TTLL11: variants seen among roughly 807,000 people sequenced by gnomAD.
TTLL11 encodes tubulin polyglutamylase TTLL11.
TTLL11 carries 42 observed loss-of-function variants against 51.7 expected under a neutral mutation model. That is an observed-to-expected ratio of 0.81 (90% confidence interval 0.64 to 1.05). The LOEUF is 1.05. Among genes scored for constraint, TTLL11 ranks in the 50% least tolerant of loss-of-function variants. TTLL11 has a pLI of 0.00. For synonymous variants in TTLL11, 381 were observed against 383.5 expected (o/e 0.99, Z 0.08); for missense variants, 799 against 940.4 (o/e 0.85, Z 1.97).
At chr9:121,888,085 C>T (rs898160360) in intron 6 of TTLL11, among the ~76,000 whole-genome samples, 3 of 152,222 alleles carry the variant, frequency 2.0e-5, no homozygotes, top group Non-Finnish European at 4.4e-5. Context: ...GTTCCTGGCT[C>T]TATCCCCCTC....
intron 1 of TTLL11, among the ~76,000 whole-genome samples, chr9:122,070,539 AC>A: frequency 6.6e-6 from 1 of 152,146 alleles, no homozygotes. Flanking sequence ...TAAATGTGAC[AC>A]CCCGAGGAAG....
rs372593141 is a variant in TTLL11, at chr9:121,816,637, T to C, written c.*5950A>G. ...TGTACGTGTGTGCATGTGTGGTGTG[T>C]GCGCGCACATGCGTGTGTGTGCATG... is the stretch of plus-strand genomic sequence containing the variant. On this transcript the variant is annotated 3_prime_UTR_variant, in exon 9 of 9. Coordinates refer to ENST00000321582, the MANE Select transcript of TTLL11 (RefSeq NM_001139442.2). 3.1e-4 allele frequency: 46 copies of C among 150,534 alleles called. No individual in the cohort carries two copies. The highest frequency in any genetic ancestry group is 6.9e-3 in the Middle Eastern group (2 of 290). The allele number at this position is 150,534 out of a possible 1,614,324, so 9.3% of individuals were successfully genotyped here. A position where few individuals can be genotyped will look rare whatever the true frequency, so the allele number is the denominator to read the frequency against.
intron 4 of TTLL11, among the ~76,000 whole-genome samples, chr9:121,981,653 C>G (rs1367803715): frequency 6.6e-6 from 1 of 152,104 alleles, no homozygotes; most frequent in Non-Finnish European, 1.5e-5. Context: ...AGTGTCTGGA[C>G]TTTGTCTTTC....
chr9:121,880,872 C>T (rs1160956013), intron 6 of TTLL11, among the ~76,000 whole-genome samples: 6 of 152,236 alleles, frequency 3.9e-5, no homozygotes, highest in African/African-American at 1.4e-4. Flanking sequence ...ATGGCCTAAG[C>T]GAGGAGGCTG....
At chr9:121,874,754 T>G (rs1838501181) in intron 6 of TTLL11, among the ~76,000 whole-genome samples, 1 of 144,612 alleles carries the variant, frequency 6.9e-6, no homozygotes, top group African/African-American at 2.6e-5. Flanking sequence ...CTCAGAGGCA[T>G]AATTTTTTTT....
Position 121,845,656 on chromosome 9 carries a change from G to A in TTLL11, c.1840+14681C>T, listed in dbSNP as rs535648074. On this transcript the variant is annotated intron_variant, in intron 8 of 8. Transcript: ENST00000321582. ...GGAAAAGAGAAATCAGAAGTTCTCT[G>A]TTATAAAGTACCTGCACTATCTGTT... is the stretch of plus-strand genomic sequence containing the variant. 1.6e-3 allele frequency among the ~76,000 whole-genome samples: 244 copies of A among 152,238 alleles called. 1 individual carries two copies. Among genetic ancestry groups the A allele is most frequent in the African/African-American group, 5.8e-3 (240 of 41,570 alleles).
At chr9:122,040,829 A>C (rs984060194) in intron 1 of TTLL11, among the ~76,000 whole-genome samples, 6 of 152,248 alleles carry the variant, frequency 3.9e-5, no homozygotes, top group African/African-American at 1.4e-4. Flanking sequence ...TATAATTTAC[A>C]GCATTTTGCT....
Position 122,031,815 on chromosome 9 carries a change from C to T in TTLL11, c.601G>A (p.Val201Met). The T allele has an allele frequency of 1.9e-6, 3 of 1,614,148 alleles. No individual in the cohort carries two copies. Among genetic ancestry groups the T allele is most frequent in the Non-Finnish European group, 2.5e-6 (3 of 1,180,012 alleles). ...GGAAAGAGATTCTGCATGGTTCTCA[C>T]TGCTCTGCTCAGAGTAATTTTACGC... ...MVRKITLSRA[V>M]RTMQNLFPEE... The change falls in exon 3 of 9, where the codon GTG (valine) becomes ATG (methionine). Residue 201 changes from valine (V) to methionine (M), a missense_variant. Val to Met is a conservative substitution (Grantham distance 21). Around this residue, in one of 3 missense-constraint regions of TTLL11, gnomAD observed 468 missense variants for 612.8 expected, o/e 0.76. Coordinates refer to ENST00000321582, the MANE Select transcript of TTLL11 (RefSeq NM_001139442.2).
intron 1 of TTLL11, among the ~76,000 whole-genome samples, chr9:122,057,096 T>C (rs996930840): frequency 2.0e-5 from 3 of 152,296 alleles, no homozygotes; most frequent in South Asian, 2.1e-4. Context: ...TCAGCTGCCC[T>C]AGACAGTGGG....
At chr9:121,991,797 T>A (rs981211415) in intron 3 of TTLL11, among the ~76,000 whole-genome samples, 5 of 152,182 alleles carry the variant, frequency 3.3e-5, no homozygotes, top group African/African-American at 1.2e-4. Flanking sequence ...TCATTGAATT[T>A]TTAGAACTAG....
intron 6 of TTLL11, among the ~76,000 whole-genome samples, chr9:121,912,191 C>T (rs1029815125): frequency 6.6e-6 from 1 of 152,166 alleles, no homozygotes; most frequent in Non-Finnish European, 1.5e-5. Context: ...ACTGCTAGAT[C>T]CAACTCAAAT....
rs888454467 is a variant in TTLL11, at chr9:121,817,890, T to C, written c.*4697A>G. On this transcript the variant is annotated 3_prime_UTR_variant, in exon 9 of 9. Coordinates refer to ENST00000321582, the MANE Select transcript of TTLL11 (RefSeq NM_001139442.2). The stretch of plus-strand genomic sequence containing the variant: ...GCCAGTGATCCTCATCCTTGGTGGG[T>C]TGGATGGATCTAGAAGTGCTTTGTA... 1 of 152,168 alleles carries C rather than the reference T, an allele frequency of 6.6e-6. No individual in the cohort carries two copies. Among genetic ancestry groups the C allele is most frequent in the Non-Finnish European group, 1.5e-5 (1 of 68,064 alleles). 9.4% of individuals were successfully genotyped at this position (152,168 alleles called of 1,614,324 possible).
At chr9:121,836,805 C>T (rs564998798) in intron 8 of TTLL11, among the ~76,000 whole-genome samples, 3 of 152,246 alleles carry the variant, frequency 2.0e-5, no homozygotes, top group Admixed American at 6.5e-5. Context: ...TTACAGGGTG[C>T]CTGTGGTGCA....
chr9:121,863,366 T>C (rs576881331), intron 7 of TTLL11, among the ~76,000 whole-genome samples: 25 of 152,348 alleles, frequency 1.6e-4, no homozygotes, highest in African/African-American at 5.5e-4. Flanking sequence ...ATCAGTGTCC[T>C]CTGGGCTACC....
chr9:121,916,216 T>A (rs1034608833), intron 6 of TTLL11, among the ~76,000 whole-genome samples: 1 of 152,206 alleles, frequency 6.6e-6, no homozygotes, highest in African/African-American at 2.4e-5. Context: ...CTTACTGTAC[T>A]GATAAGTAAA....
chr9:121,977,154 C>T (rs746846773), intron 4 of TTLL11, among the ~76,000 whole-genome samples: 1 of 152,204 alleles, frequency 6.6e-6, no homozygotes, highest in African/African-American at 2.4e-5. Context: ...GCCCTGTCTA[C>T]ACCCACCAGT....
rs145587739 is a variant in TTLL11 at position 122,039,861 on chromosome 9, ATC to A, written c.463-495_463-494del. On this transcript the variant is annotated intron_variant, in intron 1 of 8. Coordinates refer to ENST00000321582, the MANE Select transcript of TTLL11 (RefSeq NM_001139442.2). Reference sequence around the variant, plus strand: ...AAGCTTTCAGAGTCCCTCTTCCCTTATCTCTCTCTCTCTCTCTCTCTCTCTCA... The same window carrying A: ...AAGCTTTCAGAGTCCCTCTTCCCTTATCTCTCTCTCTCTCTCTCTCTCTCA... 7.4e-3 allele frequency among the ~76,000 whole-genome samples: 1,083 copies of A among 146,136 alleles called. 10 individuals carry two copies. Among genetic ancestry groups the A allele is most frequent in the African/African-American group, 0.02 (821 of 40,264 alleles).
At chr9:121,986,242 A>G (rs753477083) in intron 4 of TTLL11, among the ~76,000 whole-genome samples, 45 of 152,242 alleles carry the variant, frequency 3.0e-4, no homozygotes, top group Non-Finnish European at 6.0e-4. Flanking sequence ...TGGCTGCCCC[A>G]TGTGGCCTGT....
intron 1 of TTLL11, among the ~76,000 whole-genome samples, chr9:122,078,297 C>T (rs1845910659): frequency 6.6e-6 from 1 of 152,136 alleles, no homozygotes; most frequent in African/African-American, 2.4e-5. Flanking sequence ...AATTGAGATA[C>T]ATATAAAATA....
Sources: gnomAD v4.1 joint callset for allele counts (sites outside exome capture counted in the v4.1 genomes callset) on GRCh38, gnomAD v4.1.1 for gene constraint, gnomAD v4.1.1 regional missense constraint, MANE v1.5 for transcripts, NCBI Gene and HGNC (gene_info 2026-07-23, HGNC 2026-07-21) for gene names.